MIPOL1: variants seen among roughly 807,000 people sequenced by gnomAD.
MIPOL1 encodes mirror-image polydactyly gene 1 protein.
Under a neutral mutation model 60.9 loss-of-function variants are expected in MIPOL1, and 57 were observed. The observed-to-expected ratio is 0.94, with a 90% CI of 0.76 to 1.17. The LOEUF (loss-of-function observed/expected upper bound fraction) is 1.17. Ranked by LOEUF, MIPOL1 falls within the 50% of genes most tolerant of loss-of-function variation. The pLI, the probability that MIPOL1 is intolerant of heterozygous loss-of-function variation, is 0.00. For missense variants in MIPOL1, 551 were observed against 511.6 expected (o/e 1.08, Z -0.74); for synonymous variants, 179 against 168.8 (o/e 1.06, Z -0.47).
intron 3 of MIPOL1, among the ~76,000 whole-genome samples, chr14:37,249,248 G>T (rs973930872): frequency 5.3e-5 from 8 of 152,042 alleles, no homozygotes; most frequent in Non-Finnish European, 1.0e-4. Context: ...AAAACACTGT[G>T]TGCATCTCTT....
chr14:37,494,681 A>G (rs575161989), intron 11 of MIPOL1, among the ~76,000 whole-genome samples: 1 of 152,316 alleles, frequency 6.6e-6, no homozygotes, highest in East Asian at 1.9e-4. Context: ...TTCCATTTGT[A>G]TCAGTAAAAA....
intron 12 of MIPOL1, among the ~76,000 whole-genome samples, chr14:37,543,442 A>T (rs2153642330): frequency 6.6e-6 from 1 of 151,714 alleles, no homozygotes; most frequent in Middle Eastern, 3.4e-3. Context: ...CACCTGGCTA[A>T]TTTTTTTTAT....
At chr14:37,536,995 A>C (rs2095509136) in intron 12 of MIPOL1, among the ~76,000 whole-genome samples, 1 of 152,106 alleles carries the variant, frequency 6.6e-6, no homozygotes, top group African/African-American at 2.4e-5. Flanking sequence ...CTTTTGCTGA[A>C]AGTTGGCTTT....
At chr14:37,543,354 A>G (rs2095536747) in intron 12 of MIPOL1, among the ~76,000 whole-genome samples, 1 of 151,922 alleles carries the variant, frequency 6.6e-6, no homozygotes, top group African/African-American at 2.4e-5. Flanking sequence ...CAGTTCACTG[A>G]AACCTCGGCC....
rs530301280 is a variant in MIPOL1 at position 37,428,906 on chromosome 14, C to A, written c.1031+5957C>A. ...TGGGAGGATAGAGATATTAAACTTA[C>A]CACTGTAGCTGATAGCTCTTATGCA... On this transcript the variant is annotated intron_variant, in intron 11 of 12. Coordinates refer to ENST00000684589, the MANE Select transcript of MIPOL1 (RefSeq NM_001388067.1). Among the ~76,000 whole-genome samples, 82 of 152,184 alleles carry A rather than the reference C, an allele frequency of 5.4e-4. 1 individual carries two copies. The highest frequency in any genetic ancestry group is 1.9e-3 in the African/African-American group (79 of 41,546).
At chr14:37,486,805 A>G (rs1039000503) in intron 11 of MIPOL1, among the ~76,000 whole-genome samples, 27 of 152,160 alleles carry the variant, frequency 1.8e-4, no homozygotes, top group African/African-American at 5.3e-4. Flanking sequence ...TTCTTATTGA[A>G]TACTCTTTAT....
intron 7 of MIPOL1, among the ~76,000 whole-genome samples, chr14:37,298,212 A>G (rs2085963204): frequency 6.6e-6 from 1 of 152,228 alleles, no homozygotes; most frequent in African/African-American, 2.4e-5. Flanking sequence ...AGGATTCCCT[A>G]TTTAATAAAT....
chr14:37,476,266 A>G (rs2094772095), intron 11 of MIPOL1, among the ~76,000 whole-genome samples: 1 of 152,148 alleles, frequency 6.6e-6, no homozygotes, highest in African/African-American at 2.4e-5. Flanking sequence ...AATTATTACT[A>G]GTTCCAGGAG....
chr14:37,202,268 C>T (rs1202494487), intron 1 of MIPOL1, among the ~76,000 whole-genome samples: 2 of 151,940 alleles, frequency 1.3e-5, no homozygotes, highest in Non-Finnish European at 2.9e-5. Flanking sequence ...TTTAGTCTTA[C>T]TTGATTGTTA....
At chr14:37,262,722 C>A (rs960387608) in intron 3 of MIPOL1, among the ~76,000 whole-genome samples, 1 of 152,186 alleles carries the variant, frequency 6.6e-6, no homozygotes, top group Admixed American at 6.6e-5. Context: ...CCTAATACTT[C>A]TATCCACCCT....
At chr14:37,285,626 C>T (rs1262513206) in intron 7 of MIPOL1, among the ~76,000 whole-genome samples, 179 bp downstream of exon 7, 1 of 151,176 alleles carries the variant, frequency 6.6e-6, no homozygotes, top group East Asian at 1.9e-4. Flanking sequence ...GAGTCTTGCC[C>T]TGTTGCCCAG....
intron 1 of MIPOL1, among the ~76,000 whole-genome samples, chr14:37,200,147 A>G (rs1410331981): frequency 6.6e-6 from 1 of 152,202 alleles, no homozygotes; most frequent in Non-Finnish European, 1.5e-5. Flanking sequence ...ACCAGACAAT[A>G]AGTGTAGGCA....
At chr14:37,363,296 G>A (rs906845843) in intron 9 of MIPOL1, among the ~76,000 whole-genome samples, 5 of 152,060 alleles carry the variant, frequency 3.3e-5, no homozygotes, top group Admixed American at 6.5e-5. Context: ...TGGGGTTTTG[G>A]TGTAGGTGTC....
At position 37,549,374 on chromosome 14, in the gene MIPOL1, G is replaced by A. The variant is rs187748303; in HGVS notation, c.*2403G>A. 37 of 151,444 alleles carry A rather than the reference G, an allele frequency of 2.4e-4. No individual in the cohort carries two copies. The East Asian group carries it at 5.8e-3, about 24-fold the overall frequency. 9.4% of individuals were successfully genotyped at this position (151,444 alleles called of 1,614,324 possible). On this transcript the variant is annotated 3_prime_UTR_variant, in exon 13 of 13. Transcript: ENST00000684589. ...ATCTGTTTTTTCATTTGATCCTATCGACAATCATAATAATAATAAATTATA... is the reference window on the plus strand; with the variant it reads ...ATCTGTTTTTTCATTTGATCCTATCAACAATCATAATAATAATAAATTATA...
intron 9 of MIPOL1, among the ~76,000 whole-genome samples, chr14:37,347,076 C>T (rs2090998468): frequency 6.6e-6 from 1 of 151,706 alleles, no homozygotes; most frequent in South Asian, 2.1e-4. Flanking sequence ...TCTGGCAATT[C>T]ATCTACACAC....
chr14:37,432,343 G>C (rs2094086687), intron 11 of MIPOL1, among the ~76,000 whole-genome samples: 2 of 152,092 alleles, frequency 1.3e-5, no homozygotes, highest in South Asian at 4.1e-4. Context: ...TTTATGTATA[G>C]CAAGACTTTA....
chr14:37,505,118 A>C (rs2095263197), intron 12 of MIPOL1: 1 of 152,156 alleles, frequency 6.6e-6, no homozygotes, highest in Non-Finnish European at 1.5e-5. Context: ...TTAATAGCCT[A>C]CCACCAAAAA....
intron 1 of MIPOL1, among the ~76,000 whole-genome samples, chr14:37,235,787 A>G (rs952006429): frequency 3.3e-5 from 5 of 152,034 alleles, no homozygotes; most frequent in African/African-American, 1.2e-4. Flanking sequence ...TCTACTTTCT[A>G]TCTCTATGAA....
intron 10 of MIPOL1, among the ~76,000 whole-genome samples, chr14:37,373,341 T>C (rs919280484): frequency 1.3e-5 from 2 of 152,144 alleles, no homozygotes; most frequent in Non-Finnish European, 2.9e-5. Flanking sequence ...TTGCATTAGA[T>C]GTAAATATGT....
Sources: allele counts gnomAD v4.1 joint callset (sites outside exome capture counted in the v4.1 genomes callset), GRCh38; gene constraint gnomAD v4.1.1; transcripts MANE v1.5; gene names NCBI Gene and HGNC (gene_info 2026-07-23, HGNC 2026-07-21).